The following CDH4 variants were observed in gnomAD, a reference collection of about 807,000 sequenced individuals.
The protein encoded by CDH4 is cadherin 4, also known as cadherin-4.
In CDH4, 33 loss-of-function variants were observed where a neutral mutation model predicts 86.0. The ratio of observed to expected loss-of-function variants is 0.38; its 90% confidence interval spans 0.29 to 0.51. The LOEUF (loss-of-function observed/expected upper bound fraction) is 0.51, where lower values mean the gene tolerates loss of function less well. Ranked by LOEUF, CDH4 falls within the 20% of genes least tolerant of loss-of-function variation. The probability of loss-of-function intolerance (pLI) is 0.86; values close to 1 mark genes in which losing one functional copy is unlikely to be tolerated. For missense variants in CDH4, 1,114 were observed against 1,307.4 expected (o/e 0.85, Z 2.28); for synonymous variants, 555 against 549.4 (o/e 1.01, Z -0.14).
chr20:61,514,929 G>A (rs759391901), intron 2 of CDH4, among the ~76,000 whole-genome samples: 5 of 152,140 alleles, frequency 3.3e-5, no homozygotes, highest in Non-Finnish European at 7.4e-5. Flanking sequence ...CTCCCTGGAG[G>A]CCCAGGGCAC....
At chr20:61,265,022 C>G (rs973640562) in intron 2 of CDH4, among the ~76,000 whole-genome samples, 3 of 151,494 alleles carry the variant, frequency 2.0e-5, no homozygotes, top group Admixed American at 1.3e-4. Context: ...ACACATACCC[C>G]AGTGGCTCCT....
At chr20:61,649,427 A>G (rs2087098661) in intron 2 of CDH4, among the ~76,000 whole-genome samples, 2 of 152,008 alleles carry the variant, frequency 1.3e-5, no homozygotes. Flanking sequence ...TTTTTAAACC[A>G]CCTTCCCTTG....
chr20:61,696,538 TG>T (rs1414225430), intron 2 of CDH4, among the ~76,000 whole-genome samples: 1 of 152,178 alleles, frequency 6.6e-6, no homozygotes, highest in Non-Finnish European at 1.5e-5. Flanking sequence ...CTCCACAACA[TG>T]GTCCTTAAGA....
chr20:61,776,649 G>A (rs759798088), intron 4 of CDH4, among the ~76,000 whole-genome samples: 2 of 152,224 alleles, frequency 1.3e-5, no homozygotes, highest in Non-Finnish European at 2.9e-5. Flanking sequence ...TAGGGCTGAC[G>A]AGCTGCACTG....
At chr20:61,650,193 G>A (rs555194526) in intron 2 of CDH4, among the ~76,000 whole-genome samples, 29 of 152,274 alleles carry the variant, frequency 1.9e-4, no homozygotes, top group Non-Finnish European at 3.7e-4. Context: ...ATCCATCAGC[G>A]GCTCTGTATC....
At chr20:61,913,144 G>A (rs2054869019) in intron 9 of CDH4, among the ~76,000 whole-genome samples, 1 of 152,176 alleles carries the variant, frequency 6.6e-6, no homozygotes, top group Admixed American at 6.5e-5. Context: ...CCCGGCCCCA[G>A]GAGATCAGCA....
intron 4 of CDH4, among the ~76,000 whole-genome samples, chr20:61,776,930 G>C (rs1410117202): frequency 6.6e-6 from 1 of 152,192 alleles, no homozygotes; most frequent in African/African-American, 2.4e-5. Context: ...GTGAACAGCT[G>C]GTCTCTGTCG....
intron 2 of CDH4, among the ~76,000 whole-genome samples, chr20:61,456,306 C>T (rs2085406605): frequency 1.3e-5 from 2 of 152,206 alleles, no homozygotes; most frequent in Non-Finnish European, 1.5e-5. Context: ...CGGGTGAAAT[C>T]TTAGGTTGGC....
Position 61,571,380 on chromosome 20 carries a change from C to T in CDH4, c.170-172183C>T, listed in dbSNP as rs187194420. On this transcript the variant is annotated intron_variant, in intron 2 of 15. Transcript: ENST00000614565. ...AGGTAGACAGTGCTGGCCTTGACAT[C>T]GGGTGAGCATCTCCTTGATGCCCAG... 1.5e-3 allele frequency among the ~76,000 whole-genome samples: 221 copies of T among 152,306 alleles called. 2 individuals carry two copies. The highest frequency in any genetic ancestry group is 0.014 in the Middle Eastern group (4 of 294).
intron 2 of CDH4, among the ~76,000 whole-genome samples, chr20:61,481,477 G>C (rs554485330): frequency 1.3e-5 from 2 of 152,348 alleles, no homozygotes; most frequent in Admixed American, 1.3e-4. Flanking sequence ...TATTTCTGTT[G>C]TCAAGTCTAA....
chr20:61,309,508 A>G lies in CDH4; in HGVS notation c.169+54571A>G, dbSNP rs1434860872. ...CCCTCCTCCTCTAGATGTTCATTTG[A>G]GGCATTTTACTTAGCAGTGGATATG... On this transcript the variant is annotated intron_variant, in intron 2 of 15. Coordinates refer to ENST00000614565, the MANE Select transcript of CDH4 (RefSeq NM_001794.5). Among the ~76,000 whole-genome samples the G allele has an allele frequency of 2.6e-5, 4 of 152,266 alleles. No individual in the cohort carries two copies. The East Asian group carries it at 5.8e-4, about 22-fold the overall frequency.
At chr20:61,928,163 G>A (rs773340208) in intron 11 of CDH4, 27 bp from the exon 12 acceptor site, 42 of 1,570,796 alleles carry the variant, frequency 2.7e-5, no homozygotes, top group Middle Eastern at 1.7e-4. Flanking sequence ...GGAGTGGCCC[G>A]TGTGGTGACC....
At chr20:61,691,122 C>G (rs2087648078) in intron 2 of CDH4, among the ~76,000 whole-genome samples, 1 of 152,118 alleles carries the variant, frequency 6.6e-6, no homozygotes, top group Non-Finnish European at 1.5e-5. Context: ...CACCCCTCGG[C>G]CAGCAGGGAC....
At chr20:61,793,628 T>C (rs1226107130) in intron 4 of CDH4, among the ~76,000 whole-genome samples, 4 of 151,136 alleles carry the variant, frequency 2.6e-5, no homozygotes, top group African/African-American at 9.7e-5. Context: ...GATCACGAGG[T>C]CAGGAGTTCA....
At chr20:61,452,655 C>T (rs1340629635) in intron 2 of CDH4, among the ~76,000 whole-genome samples, 1 of 152,188 alleles carries the variant, frequency 6.6e-6, no homozygotes, top group African/African-American at 2.4e-5. Context: ...TTTTCCCACA[C>T]CGTACAGAAG....
At chr20:61,332,897 G>A (rs939560091) in intron 2 of CDH4, among the ~76,000 whole-genome samples, 2 of 152,194 alleles carry the variant, frequency 1.3e-5, no homozygotes, top group African/African-American at 4.8e-5. Context: ...CTGGCTTTCT[G>A]CTCAGCCCCT....
chr20:61,726,602 C>CCATCATCACCATCACTGCCAT (rs1274983382), intron 2 of CDH4, among the ~76,000 whole-genome samples: 2 of 151,998 alleles, frequency 1.3e-5, no homozygotes, highest in African/African-American at 2.4e-5. Context: ...ACCATTGCTG[C>CCATCATCACCATCACTGCCAT]CATCATCACC....
At chr20:61,347,751 A>T (rs181504731) in intron 2 of CDH4, among the ~76,000 whole-genome samples, 1 of 152,336 alleles carries the variant, frequency 6.6e-6, no homozygotes, top group Non-Finnish European at 1.5e-5. Context: ...TCTTTGTCTC[A>T]TAACATTTGG....
chr20:61,793,969 T>C (rs767216583), intron 4 of CDH4, among the ~76,000 whole-genome samples: 13 of 124,880 alleles, frequency 1.0e-4, no homozygotes, highest in South Asian at 5.5e-4. Flanking sequence ...AAACCTCGTC[T>C]CTACTAAAAA....
Sources: allele counts gnomAD v4.1 joint callset (sites outside exome capture counted in the v4.1 genomes callset), GRCh38; gene constraint gnomAD v4.1.1; transcripts MANE v1.5; gene names NCBI Gene and HGNC (gene_info 2026-07-23, HGNC 2026-07-21).